ALKAL2: variants seen among roughly 807,000 people sequenced by gnomAD.
ALKAL2 encodes AUG-alpha.
Under a neutral mutation model 18.5 loss-of-function variants are expected in ALKAL2, and 8 were observed. That is an observed-to-expected ratio of 0.43 (90% CI 0.25 to 0.78). The LOEUF (loss-of-function observed/expected upper bound fraction) is 0.78, where lower values mean the gene tolerates loss of function less well. Among genes scored for constraint, ALKAL2 ranks in the 30% least tolerant of loss-of-function variants. The pLI, the probability that ALKAL2 is intolerant of heterozygous loss-of-function variation, is 0.22. For synonymous variants in ALKAL2, 135 were observed against 95.8 expected (o/e 1.41, Z -2.39); for missense variants, 241 against 211.2 (o/e 1.14, Z -0.88).
At chr2:283,743 T>C (rs1288034921) in intron 4 of ALKAL2, 4 of 276,584 alleles carry the variant, frequency 1.4e-5, no homozygotes, top group Non-Finnish European at 2.2e-5. Flanking sequence ...GTGCTGCCTA[T>C]AGAAATTAAG....
In ALKAL2 at chr2:284,209, A is replaced by G. The variant is rs529967479; in HGVS notation, c.389-1034T>C. On this transcript the variant is annotated intron_variant, in intron 4 of 5. Coordinates refer to ENST00000403610, the MANE Select transcript of ALKAL2 (RefSeq NM_001002919.3). ...GAAGACTTCCACTTGGGCCATGTCC[A>G]GGGTCCCAGCTGACCACATCCTGCT... Among the ~76,000 whole-genome samples the G allele has an allele frequency of 3.3e-5, 5 of 152,330 alleles. No homozygotes were observed. The East Asian group carries it at 9.6e-4, about 29-fold the overall frequency.
chr2:280,908 A>C (rs1284663012), intron 5 of ALKAL2, among the ~76,000 whole-genome samples: 1 of 152,226 alleles, frequency 6.6e-6, no homozygotes, highest in Non-Finnish European at 1.5e-5. Flanking sequence ...CTTTACAAAG[A>C]CAAGGTCATG....
chr2:281,767 T>G (rs1558267506), intron 5 of ALKAL2, among the ~76,000 whole-genome samples: 1 of 151,626 alleles, frequency 6.6e-6, no homozygotes, highest in Non-Finnish European at 1.5e-5. Context: ...CTGGGAACAC[T>G]GTGTTTAATT....
chr2:286,416 T>C, intron 2 of ALKAL2, 73 bp from the exon 3 acceptor site: 1 of 1,202,626 alleles, frequency 8.3e-7, no homozygotes, highest in South Asian at 1.4e-5. Context: ...TAAGTGAATG[T>C]TGAAGAAAAT....
chr2:288,068 G>C lies in ALKAL2; in HGVS notation c.-113C>G. The stretch of plus-strand genomic sequence containing the variant: ...GTGAGGGAGCCGCGGTCTCCTCGAC[G>C]ATCACGCCCGAGGTCCCGCCCACGG... On this transcript the variant is annotated 5_prime_UTR_variant, in exon 1 of 6. It adds an upstream start codon to the 5' untranslated region. Coordinates refer to ENST00000403610, the MANE Select transcript of ALKAL2 (RefSeq NM_001002919.3). 1 of 1,203,190 alleles carries C rather than the reference G, an allele frequency of 8.3e-7. No individual in the cohort carries two copies. The highest frequency in any genetic ancestry group is 1.0e-6 in the Non-Finnish European group (1 of 970,682). 74.5% of individuals were successfully genotyped at this position (1,203,190 alleles called of 1,614,324 possible). A position where few individuals can be genotyped will look rare whatever the true frequency, so the allele number is the denominator to read the frequency against.
chr2:286,250 A>C (rs1244665061), intron 3 of ALKAL2, 40 bp downstream of exon 3: 1 of 1,611,232 alleles, frequency 6.2e-7, no homozygotes, highest in Admixed American at 1.7e-5. Context: ...ACAGGTGAAA[A>C]GGAGCTCTGG....
At chr2:283,497 G>C (rs186796425) in intron 4 of ALKAL2, 1 of 985,396 alleles carries the variant, frequency 1.0e-6, no homozygotes, top group African/African-American at 1.7e-5. Flanking sequence ...CGCTTCCTAC[G>C]TGACAATCCT....
Position 280,172 on chromosome 2 carries a change from G to T in ALKAL2, c.454-20C>A, listed in dbSNP as rs772310409. Reference sequence around the variant, plus strand: ...TCACTGCTGAAAACAAATACATTGCGTGTGATATGACTATCCACACTTCTT... The same window carrying T: ...TCACTGCTGAAAACAAATACATTGCTTGTGATATGACTATCCACACTTCTT... On this transcript the variant is annotated intron_variant, in intron 5 of 5. Coordinates refer to ENST00000403610, the MANE Select transcript of ALKAL2 (RefSeq NM_001002919.3). 8 of 1,613,678 alleles carry T rather than the reference G, an allele frequency of 5.0e-6. No individual in the cohort carries two copies. Among genetic ancestry groups the T allele is most frequent in the Admixed American group, 3.3e-5 (2 of 60,000 alleles).
At chr2:283,466 C>G in intron 4 of ALKAL2, 1 of 985,314 alleles carries the variant, frequency 1.0e-6, no homozygotes, top group Non-Finnish European at 1.2e-6. Context: ...CCCATTGCTT[C>G]TCTCAGAAAT....
At chr2:281,835 G>C (rs971883334) in intron 5 of ALKAL2, among the ~76,000 whole-genome samples, 1 of 152,032 alleles carries the variant, frequency 6.6e-6, no homozygotes. Context: ...TATCACCTTG[G>C]GTGACAGGAA....
In ALKAL2 at chr2:286,320, T is replaced by C; in HGVS notation, c.277A>G (p.Met93Val). The C allele has an allele frequency of 6.2e-7, 1 of 1,612,192 alleles. No individual in the cohort carries two copies. Among genetic ancestry groups the C allele is most frequent in the Non-Finnish European group, 8.5e-7 (1 of 1,179,082 alleles). The change falls in exon 3 of 6, where the codon ATG (methionine) becomes GTG (valine). Residue 93 changes from methionine to valine, a missense_variant. Met to Val is a conservative substitution (Grantham distance 21). Transcript: ENST00000403610. ...AGGTGTTTTAGAAACTTGTCCTTCA[T>C]CCTCAGATCTCGAGGAACAATTTCT... ...RVEIVPRDLR[M>V]KDKFLKHLTG... is the part of the protein sequence containing the mutation.
rs1003766350 is a variant in ALKAL2, at chr2:287,640, A to T, written c.196T>A (p.Cys66Ser). 9.3e-5 allele frequency: 138 copies of T among 1,481,322 alleles called. No individual in the cohort carries two copies. The highest frequency in any genetic ancestry group is 1.1e-4 in the Non-Finnish European group (127 of 1,122,026). 91.8% of individuals were successfully genotyped at this position (1,481,322 alleles called of 1,614,324 possible). A position where few individuals can be genotyped will look rare whatever the true frequency, so the allele number is the denominator to read the frequency against. Residue 66 changes from cysteine (C) to serine (S), a missense_variant, in exon 2 of 6, where the codon TGC becomes AGC. Physicochemically the swap from Cys to Ser is moderately radical, Grantham distance 112 (BLOSUM62 -1). Coordinates refer to ENST00000403610, the MANE Select transcript of ALKAL2 (RefSeq NM_001002919.3). ...GCCGCCTCCGCGCGGCCCAGGGCGC[A>T]GTCCCGCCCGAGGAGCTGCAGGCCC... is the stretch of plus-strand genomic sequence containing the variant. ...HKGLQLLGRD[C>S]ALGRAEAAGL...
chr2:286,110 T>C lies in ALKAL2; in HGVS notation c.388+13A>G. ...GCTCTTGCATTTTATAAAAATCCAA[T>C]GCTGTTACTTACATGCAGGAATGGT... On this transcript the variant is annotated intron_variant, in intron 4 of 5. Transcript: ENST00000403610. 1 of 1,608,636 alleles carries C rather than the reference T, an allele frequency of 6.2e-7. No homozygotes were observed. Among genetic ancestry groups the C allele is most frequent in the Non-Finnish European group, 8.5e-7 (1 of 1,175,498 alleles).
At chr2:287,928 G>A in intron 1 of ALKAL2, 36 bp from the exon 2 acceptor site, 1 of 1,234,496 alleles carries the variant, frequency 8.1e-7, no homozygotes, top group East Asian at 3.4e-5. Context: ...CGGAGAGAAA[G>A]TCAGCGGGGG....
intron 4 of ALKAL2, chr2:285,864 A>T: frequency 2.3e-6 from 1 of 433,402 alleles, no homozygotes; most frequent in Non-Finnish European, 4.1e-6. Flanking sequence ...GAGAATTAAC[A>T]GGAGGAGAAT....
chr2:287,367 A>G, intron 2 of ALKAL2: 1 of 401,436 alleles, frequency 2.5e-6, no homozygotes, highest in East Asian at 3.7e-5. Context: ...CCCGCGCCGC[A>G]GCTCACGCGC....
At chr2:281,319 T>G (rs1670337147) in intron 5 of ALKAL2, among the ~76,000 whole-genome samples, 1 of 152,200 alleles carries the variant, frequency 6.6e-6, no homozygotes, top group Non-Finnish European at 1.5e-5. Flanking sequence ...GTTACAGCTG[T>G]GACACCTGTG....
Position 286,341 on chromosome 2 carries a change from T to A in ALKAL2, c.256A>T (p.Ile86Phe). ...TTCATCCTCAGATCTCGAGGAACAATTTCTGTTTCAGGGAAAAGAAAGTAT... is the reference window on the plus strand; with the variant it reads ...TTCATCCTCAGATCTCGAGGAACAAATTCTGTTTCAGGGAAAAGAAAGTAT... Reference protein sequence around the residue: ...LGPSPEQRVEIVPRDLRMKDK... With the variant: ...LGPSPEQRVEFVPRDLRMKDK... The change falls in exon 3 of 6, where the codon ATT (isoleucine) becomes TTT (phenylalanine). Residue 86 changes from isoleucine to phenylalanine, a missense_variant and splice_region_variant. Coordinates refer to ENST00000403610, the MANE Select transcript of ALKAL2 (RefSeq NM_001002919.3). 1 of 1,608,900 alleles carries A rather than the reference T, an allele frequency of 6.2e-7. No individual in the cohort carries two copies. The highest frequency in any genetic ancestry group is 8.5e-7 in the Non-Finnish European group (1 of 1,177,188).
Position 287,728 on chromosome 2 carries a change from C to G in ALKAL2, c.108G>C (p.Ala36=). The change falls in exon 2 of 6, where the codon GCG becomes GCC. Residue 36 remains alanine, a synonymous_variant. Coordinates refer to ENST00000403610, the MANE Select transcript of ALKAL2 (RefSeq NM_001002919.3). ...AEPREPADGQ[A]LLRLVVELVQ... ...CGAGTTCCACCACCAGCCGCAGCAG[C>G]GCCTGTCCGTCCGCCGGCTCCCGGG... 1.4e-6 allele frequency: 2 copies of G among 1,462,700 alleles called. No individual in the cohort carries two copies. The highest frequency in any genetic ancestry group is 2.6e-5 in the South Asian group (2 of 75,832). 90.6% of individuals were successfully genotyped at this position (1,462,700 alleles called of 1,614,324 possible).
Sources: allele counts gnomAD v4.1 joint callset (sites outside exome capture counted in the v4.1 genomes callset), GRCh38; gene constraint gnomAD v4.1.1; transcripts MANE v1.5; gene names NCBI Gene and HGNC (gene_info 2026-07-23, HGNC 2026-07-21).